The following ICA1 variants were observed in gnomAD, a reference collection of about 807,000 sequenced individuals.
The protein encoded by ICA1 is islet cell autoantigen 1.
Under a neutral mutation model 71.0 loss-of-function variants are expected in ICA1, and 40 were observed. That is an observed-to-expected ratio of 0.56 (90% CI 0.44 to 0.73). The LOEUF is 0.73. ICA1 is among the 30% of genes least tolerant of loss of function. The probability of loss-of-function intolerance (pLI) is 0.00; values close to 1 mark genes in which losing one functional copy is unlikely to be tolerated. For missense variants in ICA1, 578 were observed against 576.5 expected, an observed-to-expected ratio of 1.00 and a Z score of -0.03; for synonymous variants, 207 against 209.5, an observed-to-expected ratio of 0.99 and a Z score of 0.10.
In ICA1 at chr7:8,127,890, A is replaced by C; in HGVS notation, c.1313T>G (p.Leu438Ter). The C allele has an allele frequency of 1.2e-6, 2 of 1,613,966 alleles. No homozygotes were observed. Among genetic ancestry groups the C allele is most frequent in the Non-Finnish European group, 1.7e-6 (2 of 1,179,928 alleles). ...TTACCTACCTTGTAGCGAGGCCTGT[A>C]AGTCTTTCATATTTTGGTCTAAAAG... Reference protein sequence around the residue: ...SQLLDQNMKDLQASLQEPAKA... With the variant: ...SQLLDQNMKD The change falls in exon 13 of 14, where the codon TTA (leucine) becomes TGA (stop). Residue 438 changes from leucine to a stop codon, truncating the protein, a stop_gained. Coordinates refer to ENST00000402384, the MANE Select transcript of ICA1 (RefSeq NM_001136020.3). LOFTEE classifies it high-confidence loss of function.
chr7:8,195,302 G>A (rs1787072041), intron 6 of ICA1, among the ~76,000 whole-genome samples: 1 of 152,236 alleles, frequency 6.6e-6, no homozygotes, highest in Non-Finnish European at 1.5e-5. Context: ...AGAGGATGAG[G>A]TGGGCAGATC....
At chr7:8,138,200 G>A (rs1284547617) in intron 12 of ICA1, among the ~76,000 whole-genome samples, 4 of 152,130 alleles carry the variant, frequency 2.6e-5, no homozygotes, top group African/African-American at 9.7e-5. Context: ...TCTCTTTTGG[G>A]AGGTTATTTC....
chr7:8,218,655 C>A, intron 5 of ICA1, 152 bp from the exon 6 acceptor site: 1 of 663,756 alleles, frequency 1.5e-6, no homozygotes, highest in Non-Finnish European at 2.7e-6. Flanking sequence ...AATCGAAATG[C>A]ATGTAGTTCC....
Position 8,228,641 on chromosome 7 carries a change from G to A in ICA1, c.216C>T (p.Asp72=), listed in dbSNP as rs1467950210. The A allele has an allele frequency of 6.2e-7, 1 of 1,600,656 alleles. No individual in the cohort carries two copies. The highest frequency in any genetic ancestry group is 8.5e-7 in the Non-Finnish European group (1 of 1,173,442). The change falls in exon 4 of 14, where the codon GAC becomes GAT. Residue 72 remains aspartate, a synonymous_variant. Coordinates refer to ENST00000402384, the MANE Select transcript of ICA1 (RefSeq NM_001136020.3). The stretch of plus-strand genomic sequence containing the variant: ...GATAGAGTACAATTGCTTTCGATAA[G>A]TCCAGACAGGTTCTCTGAATTGAAT... ...LFHSIQRTCL[D]LSKAIVLYQK...
chr7:8,117,019 G>C (rs1785010832), intron 13 of ICA1, among the ~76,000 whole-genome samples: 1 of 152,128 alleles, frequency 6.6e-6, no homozygotes, highest in Admixed American at 6.5e-5. Context: ...CTGAATCATG[G>C]GGATGGTTTC....
intron 1 of ICA1, among the ~76,000 whole-genome samples, chr7:8,241,581 A>G (rs991727315): frequency 6.8e-6 from 1 of 146,370 alleles, no homozygotes; most frequent in Non-Finnish European, 1.5e-5. Context: ...ACCTTATTGT[A>G]AATGGGCTAA....
intron 6 of ICA1, among the ~76,000 whole-genome samples, chr7:8,171,210 T>A (rs1808203833): frequency 7.6e-6 from 1 of 131,784 alleles, no homozygotes; most frequent in Non-Finnish European, 1.8e-5. Flanking sequence ...AGAGTTTATG[T>A]AAAGTTGATA....
chr7:8,141,793 GT>G lies in ICA1; in HGVS notation c.926del (p.Asn309ThrfsTer21). On this transcript the variant is annotated frameshift_variant, in exon 10 of 14. Transcript: ENST00000402384. LOFTEE classifies it high-confidence loss of function. Reference protein sequence around the residue: ...PSQLISLEEENQRKESSSFKT... With the variant: ...PSQLISLEEEXQRKESSSFKT... ...TAAAACTAGAGGATTCCTTGCGCTG[GT>G]TTTCTTCCTCTAATGAAATTAATCT... 6.4e-7 allele frequency: 1 copy of G among 1,570,232 alleles called. No homozygotes were observed. The highest frequency in any genetic ancestry group is 8.7e-7 in the Non-Finnish European group (1 of 1,147,228).
intron 13 of ICA1, among the ~76,000 whole-genome samples, chr7:8,114,515 GTGTT>G (rs1784173290): frequency 1.3e-5 from 2 of 152,326 alleles, no homozygotes; most frequent in East Asian, 3.9e-4. Context: ...AGGCCCAAAA[GTGTT>G]TGGCGCCCAG....
chr7:8,150,721 G>C (rs181387426), intron 8 of ICA1, among the ~76,000 whole-genome samples: 18 of 152,356 alleles, frequency 1.2e-4, no homozygotes, highest in Admixed American at 3.3e-4. Flanking sequence ...GGTATCTGAA[G>C]GACTGACATA....
At chr7:8,211,478 A>G (rs1793767871) in intron 6 of ICA1, among the ~76,000 whole-genome samples, 1 of 151,904 alleles carries the variant, frequency 6.6e-6, no homozygotes, top group Non-Finnish European at 1.5e-5. Flanking sequence ...GTCTCATTCT[A>G]CTCTGAGTAC....
At chr7:8,225,727 T>C (rs147304729) in intron 4 of ICA1, among the ~76,000 whole-genome samples, 592 of 152,340 alleles carry the variant, frequency 3.9e-3, no homozygotes, top group Admixed American at 8.2e-3. Flanking sequence ...AATGGCTTCA[T>C]AGTGGCACCT....
intron 5 of ICA1, among the ~76,000 whole-genome samples, chr7:8,221,053 G>GA (rs990570083): frequency 2.0e-5 from 3 of 151,572 alleles, no homozygotes; most frequent in Admixed American, 1.3e-4. Context: ...ACAGAAAAAT[G>GA]AAAAAAAATT....
Position 8,221,547 on chromosome 7 carries a change from C to T in ICA1, c.257-149G>A, listed in dbSNP as rs1235417170. The T allele has an allele frequency of 1.0e-5, 8 of 786,182 alleles. No individual in the cohort carries two copies. The South Asian group carries it at 1.2e-4, about 12-fold the overall frequency. 48.7% of individuals were successfully genotyped at this position (786,182 alleles called of 1,614,324 possible). ...AGCGGCAGGCTACAGGGTAAGCTCC[C>T]CCTACCCCCCATTTAACTTTCAGGC... On this transcript the variant is annotated intron_variant, in intron 4 of 13. Transcript: ENST00000402384.
chr7:8,145,828 T>G (rs973532883), intron 8 of ICA1, among the ~76,000 whole-genome samples: 1 of 150,108 alleles, frequency 6.7e-6, no homozygotes, highest in Non-Finnish European at 1.5e-5. Flanking sequence ...TGTAGATATT[T>G]CATAATTTAA....
intron 4 of ICA1, 30 bp from the exon 5 acceptor site, chr7:8,221,428 G>T: frequency 1.2e-6 from 2 of 1,610,704 alleles, no homozygotes; most frequent in South Asian, 2.2e-5. Flanking sequence ...AAGGAGCCAT[G>T]AACAATGAGC....
chr7:8,225,184 C>T (rs1444902066), intron 4 of ICA1, among the ~76,000 whole-genome samples: 4 of 152,202 alleles, frequency 2.6e-5, no homozygotes, highest in Admixed American at 2.0e-4. Flanking sequence ...ACAATTCTCA[C>T]TGTGGTGTTT....
At chr7:8,249,184 G>A (rs10224736) in intron 1 of ICA1, among the ~76,000 whole-genome samples, 57,877 of 152,148 alleles carry the variant, frequency 0.38, 11,486 homozygotes, top group East Asian at 0.5. Flanking sequence ...GGTTTGAGGG[G>A]CACAGAACAG....
At chr7:8,121,847 G>T (rs527617546) in intron 13 of ICA1, among the ~76,000 whole-genome samples, 16 of 152,276 alleles carry the variant, frequency 1.1e-4, no homozygotes, top group African/African-American at 3.4e-4. Flanking sequence ...TTGCACGCCT[G>T]TATCAAAATA....
Sources: gnomAD v4.1 joint callset for allele counts (sites outside exome capture counted in the v4.1 genomes callset) on GRCh38, gnomAD v4.1.1 for gene constraint, MANE v1.5 for transcripts, NCBI Gene and HGNC (gene_info 2026-07-23, HGNC 2026-07-21) for gene names.